Variants in GPC5 observed in about 807,000 individuals in gnomAD.
The protein encoded by GPC5 is glypican-5.
In GPC5, 47 loss-of-function variants were observed where a neutral mutation model predicts 53.9. The observed-to-expected ratio is 0.87, with a 90% CI of 0.69 to 1.11. The LOEUF is 1.11. Among genes scored for constraint, GPC5 ranks in the 50% most tolerant of loss-of-function variants. The pLI, the probability that GPC5 is intolerant of heterozygous loss-of-function variation, is 0.00. For missense variants in GPC5, 748 were observed against 713.1 expected (o/e 1.05, Z -0.56); for synonymous variants, 286 against 263.3 (o/e 1.09, Z -0.84).
chr13:91,744,378 T>C (rs189903581), intron 4 of GPC5, among the ~76,000 whole-genome samples: 131 of 152,270 alleles, frequency 8.6e-4, no homozygotes, highest in African/African-American at 2.9e-3. Flanking sequence ...AGGAATAAAA[T>C]TGAAGACTAA....
At chr13:92,695,511 GT>G (rs199640298) in intron 7 of GPC5, among the ~76,000 whole-genome samples, 26 of 149,642 alleles carry the variant, frequency 1.7e-4, no homozygotes, top group African/African-American at 3.4e-4. Context: ...ATTTATATCT[GT>G]TTTTTTTTCA....
At chr13:91,907,831 G>A (rs2039570758) in intron 5 of GPC5, 106 bp from the exon 6 acceptor site, 4 of 1,109,730 alleles carry the variant, frequency 3.6e-6, no homozygotes, top group Non-Finnish European at 5.2e-6. Flanking sequence ...ATACATTGGT[G>A]TATTCTCTAA....
At chr13:91,965,001 C>A (rs771348063) in intron 6 of GPC5, among the ~76,000 whole-genome samples, 12 of 146,696 alleles carry the variant, frequency 8.2e-5, no homozygotes, top group Non-Finnish European at 8.9e-5. Flanking sequence ...CCAAACACTG[C>A]ATATTCTCAC....
At chr13:92,814,904 T>A (rs915147029) in intron 7 of GPC5, among the ~76,000 whole-genome samples, 5 of 151,914 alleles carry the variant, frequency 3.3e-5, no homozygotes, top group South Asian at 2.1e-4. Flanking sequence ...AAATAGCCAA[T>A]TATACATGTT....
intron 5 of GPC5, among the ~76,000 whole-genome samples, chr13:91,891,079 T>A (rs1284698660): frequency 1.3e-5 from 2 of 152,186 alleles, no homozygotes; most frequent in Non-Finnish European, 1.5e-5. Context: ...TTTTTGGTAA[T>A]TCTGTGGAAG....
chr13:92,576,601 C>G (rs1443236262), intron 7 of GPC5, among the ~76,000 whole-genome samples: 1 of 152,070 alleles, frequency 6.6e-6, no homozygotes, highest in Non-Finnish European at 1.5e-5. Flanking sequence ...CCCTGTAACT[C>G]TAAGAAAAAT....
At chr13:91,411,790 G>A (rs1049333293) in intron 1 of GPC5, among the ~76,000 whole-genome samples, 3 of 152,184 alleles carry the variant, frequency 2.0e-5, no homozygotes, top group African/African-American at 7.2e-5. Flanking sequence ...TAGGGTGCCA[G>A]TCTATTTTCT....
At chr13:92,145,167 T>C (rs1025147006) in intron 7 of GPC5, among the ~76,000 whole-genome samples, 178 bp downstream of exon 7, 2 of 152,148 alleles carry the variant, frequency 1.3e-5, no homozygotes, top group Non-Finnish European at 2.9e-5. Flanking sequence ...TTTGTTTATT[T>C]TTAACTAATG....
chr13:92,257,256 A>AT (rs200306533), intron 7 of GPC5, among the ~76,000 whole-genome samples: 3 of 151,906 alleles, frequency 2.0e-5, no homozygotes, highest in African/African-American at 2.4e-5. Flanking sequence ...TTGAAATGTG[A>AT]TTTTTTTTCT....
chr13:91,877,960 A>G (rs1050040856), intron 5 of GPC5, among the ~76,000 whole-genome samples: 10 of 152,154 alleles, frequency 6.6e-5, no homozygotes, highest in African/African-American at 2.2e-4. Context: ...TGGGTTTATC[A>G]GGAGTTTTCG....
rs554959654 is a variant in GPC5 at position 91,966,822 on chromosome 13, C to T, written c.1401+58765C>T. Among the ~76,000 whole-genome samples the T allele has an allele frequency of 3.2e-4, 48 of 152,252 alleles. 1 individual carries two copies. The South Asian group carries it at 8.5e-3, about 27-fold the overall frequency. On this transcript the variant is annotated intron_variant, in intron 6 of 7. Coordinates refer to ENST00000377067, the MANE Select transcript of GPC5 (RefSeq NM_004466.6). ...AGGGGAAAAAAGCAAATAAAGAATG[C>T]ACCTGTGCAGAAGTGTACTGTTTAC...
At chr13:92,301,790 C>G (rs2043077250) in intron 7 of GPC5, among the ~76,000 whole-genome samples, 1 of 152,108 alleles carries the variant, frequency 6.6e-6, no homozygotes, top group South Asian at 2.1e-4. Context: ...GCCAGCTACT[C>G]GGGAGGCTGA....
intron 5 of GPC5, among the ~76,000 whole-genome samples, chr13:91,881,586 A>G (rs769725842): frequency 1.3e-5 from 2 of 152,038 alleles, no homozygotes; most frequent in Non-Finnish European, 2.9e-5. Flanking sequence ...ACCTTTATAC[A>G]TCTATCTATC....
At chr13:92,774,081 G>A (rs1875706743) in intron 7 of GPC5, among the ~76,000 whole-genome samples, 1 of 152,188 alleles carries the variant, frequency 6.6e-6, no homozygotes, top group Non-Finnish European at 1.5e-5. Context: ...ACCACATGTG[G>A]GGATTATTAT....
chr13:91,465,805 A>G (rs1882200178), intron 2 of GPC5, among the ~76,000 whole-genome samples: 1 of 152,166 alleles, frequency 6.6e-6, no homozygotes, highest in Non-Finnish European at 1.5e-5. Context: ...ATTCTTTTGA[A>G]TATTTTACCC....
intron 2 of GPC5, among the ~76,000 whole-genome samples, chr13:91,664,996 A>G (rs897117126): frequency 6.6e-6 from 1 of 152,278 alleles, no homozygotes; most frequent in Non-Finnish European, 1.5e-5. Context: ...AAAAATGCCT[A>G]TGAATTAAAG....
chr13:92,317,778 G>C (rs1378095281), intron 7 of GPC5, among the ~76,000 whole-genome samples: 2 of 152,128 alleles, frequency 1.3e-5, no homozygotes, highest in Non-Finnish European at 2.9e-5. Context: ...TGGGATTACA[G>C]GCATGAGCCA....
At chr13:92,234,286 G>T (rs1045394016) in intron 7 of GPC5, among the ~76,000 whole-genome samples, 1 of 152,130 alleles carries the variant, frequency 6.6e-6, no homozygotes, top group African/African-American at 2.4e-5. Context: ...CAGTGTAAAA[G>T]TGTTCCTCTT....
intron 7 of GPC5, among the ~76,000 whole-genome samples, chr13:92,184,300 T>C (rs2139039563): frequency 6.6e-6 from 1 of 152,250 alleles, no homozygotes; most frequent in African/African-American, 2.4e-5. Context: ...AGACCTAACC[T>C]CCTTCAAAAT....
Sources: allele counts gnomAD v4.1 joint callset (sites outside exome capture counted in the v4.1 genomes callset), GRCh38; gene constraint gnomAD v4.1.1; transcripts MANE v1.5; gene names NCBI Gene and HGNC (gene_info 2026-07-23, HGNC 2026-07-21).